Variants in FAM107B observed in about 807,000 individuals in gnomAD.
FAM107B encodes the protein family with sequence similarity 107 member B, also known as protein FAM107B.
Under a neutral mutation model 31.5 loss-of-function variants are expected in FAM107B, and 21 were observed. That is an observed-to-expected ratio of 0.67 (90% CI 0.47 to 0.96). The LOEUF (loss-of-function observed/expected upper bound fraction) is 0.96, where lower values mean the gene tolerates loss of function less well. Ranked by LOEUF, FAM107B falls within the 40% of genes least tolerant of loss-of-function variation. The pLI is 0.00. For missense variants in FAM107B, 452 were observed against 377.1 expected, an observed-to-expected ratio of 1.20 and a Z score of -1.64; for synonymous variants, 157 against 141.5, an observed-to-expected ratio of 1.11 and a Z score of -0.78.
At chr10:14,554,555 A>C (rs1376637519) in intron 2 of FAM107B, among the ~76,000 whole-genome samples, 1 of 152,170 alleles carries the variant, frequency 6.6e-6, no homozygotes, top group Non-Finnish European at 1.5e-5. Context: ...ACCAGTTGAG[A>C]CTTGGGGATC....
chr10:14,547,068 T>C (rs966023800), intron 2 of FAM107B, among the ~76,000 whole-genome samples: 6 of 152,182 alleles, frequency 3.9e-5, no homozygotes, highest in African/African-American at 1.2e-4. Flanking sequence ...ATTTCCCTAA[T>C]TCCACCTTCA....
chr10:14,577,112 T>C (rs977211058), intron 2 of FAM107B, among the ~76,000 whole-genome samples: 1 of 152,254 alleles, frequency 6.6e-6, no homozygotes, highest in African/African-American at 2.4e-5. Flanking sequence ...ACAGAAAACA[T>C]GCATGCCTTT....
chr10:14,649,214 C>T (rs909294438), intron 2 of FAM107B, among the ~76,000 whole-genome samples: 1 of 152,210 alleles, frequency 6.6e-6, no homozygotes, highest in African/African-American at 2.4e-5. Flanking sequence ...ACAAAACAGA[C>T]TCTGCGTAGC....
chr10:14,581,294 C>T (rs1342557214), intron 2 of FAM107B, among the ~76,000 whole-genome samples: 1 of 152,160 alleles, frequency 6.6e-6, no homozygotes, highest in Non-Finnish European at 1.5e-5. Flanking sequence ...AACACAGAGG[C>T]CCTGGGCAAG....
intron 2 of FAM107B, among the ~76,000 whole-genome samples, chr10:14,649,589 G>T (rs949420800): frequency 6.6e-6 from 1 of 152,162 alleles, no homozygotes; most frequent in Non-Finnish European, 1.5e-5. Context: ...ACACTTTCAA[G>T]CACTTGCCAA....
intron 2 of FAM107B, among the ~76,000 whole-genome samples, chr10:14,635,840 C>A (rs2131425015): frequency 6.6e-6 from 1 of 152,040 alleles, no homozygotes; most frequent in Admixed American, 6.6e-5. Flanking sequence ...CTATGTTGGC[C>A]AGGATGGTCT....
intron 2 of FAM107B, among the ~76,000 whole-genome samples, chr10:14,625,165 G>T (rs1293403809): frequency 1.3e-5 from 2 of 151,482 alleles, no homozygotes; most frequent in East Asian, 1.9e-4. Context: ...AACAGAGGTT[G>T]CAGTGAGCCA....
chr10:14,571,595 C>T (rs1851231609), intron 2 of FAM107B, among the ~76,000 whole-genome samples: 2 of 152,314 alleles, frequency 1.3e-5, no homozygotes, highest in South Asian at 4.1e-4. Flanking sequence ...AAGCTCTCTT[C>T]CTGGCAAAGA....
intron 1 of FAM107B, among the ~76,000 whole-genome samples, chr10:14,746,876 T>A (rs868559943): frequency 6.6e-5 from 10 of 152,222 alleles, no homozygotes; most frequent in Admixed American, 2.6e-4. Context: ...GATGATATCC[T>A]GAAGTATGTT....
rs1554832883 is a variant in FAM107B at position 14,559,110 on chromosome 10, A to AAC, written c.470-28596_470-28595insGT. Among the ~76,000 whole-genome samples, 71 of 83,626 alleles carry AAC rather than the reference A, an allele frequency of 8.5e-4. No homozygotes were observed. The South Asian group carries it at 0.013, about 16-fold the overall frequency. 54.9% of individuals were successfully genotyped at this position (83,626 alleles called of 152,430 possible). On this transcript the variant is annotated intron_variant, in intron 2 of 4. Transcript: ENST00000181796. ...CACCTGTGGAACTTCAAAAAAAAAA[A>AAC]AAAAAAACAAAAAAAAAACACCTGG...
intron 2 of FAM107B, among the ~76,000 whole-genome samples, chr10:14,584,985 C>T (rs1015605242): frequency 6.6e-6 from 1 of 152,154 alleles, no homozygotes; most frequent in Non-Finnish European, 1.5e-5. Context: ...TCGCTTCAGC[C>T]TCTGATTGCT....
chr10:14,563,393 A>C (rs898698728), intron 2 of FAM107B, among the ~76,000 whole-genome samples: 1 of 152,048 alleles, frequency 6.6e-6, no homozygotes, highest in Non-Finnish European at 1.5e-5. Context: ...TACAATACAC[A>C]CCTCTTTTCA....
rs527978511 is a variant in FAM107B, at chr10:14,569,455, CAT to C, written c.470-38942_470-38941del. 3.9e-5 allele frequency among the ~76,000 whole-genome samples: 6 copies of C among 152,178 alleles called. No individual in the cohort carries two copies. The South Asian group carries it at 6.2e-4, about 16-fold the overall frequency. ...CACATGTGTTACGTTAAGATCATAA[CAT>C]GTGGTGATCTAAGTCCTCCGGAAGC... On this transcript the variant is annotated intron_variant, in intron 2 of 4. Transcript: ENST00000181796.
At chr10:14,561,048 C>A (rs1031022617) in intron 2 of FAM107B, among the ~76,000 whole-genome samples, 1 of 152,198 alleles carries the variant, frequency 6.6e-6, no homozygotes, top group Non-Finnish European at 1.5e-5. Context: ...ACGAAACCAG[C>A]CATCATTCTC....
At chr10:14,636,424 G>T (rs1428280872) in intron 2 of FAM107B, among the ~76,000 whole-genome samples, 1 of 152,122 alleles carries the variant, frequency 6.6e-6, no homozygotes, top group Non-Finnish European at 1.5e-5. Context: ...CTTTTTGGGG[G>T]TAGAGTATAT....
chr10:14,656,551 T>A (rs1262863881), intron 2 of FAM107B, among the ~76,000 whole-genome samples: 1 of 152,138 alleles, frequency 6.6e-6, no homozygotes, highest in African/African-American at 2.4e-5. Context: ...TACAAGTTCT[T>A]CTTTTTATAC....
intron 1 of FAM107B, among the ~76,000 whole-genome samples, chr10:14,687,107 C>A (rs1855008770): frequency 6.6e-6 from 1 of 152,170 alleles, no homozygotes; most frequent in African/African-American, 2.4e-5. Context: ...GTCCCCAAAA[C>A]AAAAGTTGTT....
At chr10:14,621,682 T>C (rs953712700) in intron 2 of FAM107B, among the ~76,000 whole-genome samples, 2 of 152,242 alleles carry the variant, frequency 1.3e-5, no homozygotes, top group African/African-American at 4.8e-5. Flanking sequence ...ATCTGTTGAT[T>C]TGAAGCTGGG....
intron 1 of FAM107B, among the ~76,000 whole-genome samples, chr10:14,762,754 TCACACACACA>T (rs35574582): frequency 6.7e-4 from 78 of 116,234 alleles, no homozygotes; most frequent in South Asian, 2.6e-3. Context: ...AAACTCTGTC[TCACACACACA>T]CACACACACA....
Sources: allele counts gnomAD v4.1 joint callset (sites outside exome capture counted in the v4.1 genomes callset), GRCh38; gene constraint gnomAD v4.1.1; transcripts MANE v1.5; gene names NCBI Gene and HGNC (gene_info 2026-07-23, HGNC 2026-07-21).